The following RBFOX1 variants were observed in gnomAD, a reference collection of about 807,000 sequenced individuals.
The protein encoded by RBFOX1 is RNA binding fox-1 homolog 1.
A neutral mutation model predicts 57.7 loss-of-function variants in RBFOX1; 8 were observed. That is an observed-to-expected ratio of 0.14 (90% CI 0.08 to 0.25). The LOEUF is 0.25. Among genes scored for constraint, RBFOX1 ranks in the 10% least tolerant of loss-of-function variants. The pLI is 1.00. For synonymous variants in RBFOX1, 326 were observed against 222.4 expected, an observed-to-expected ratio of 1.47 and a Z score of -4.15; for missense variants, 611 against 548.5, an observed-to-expected ratio of 1.11 and a Z score of -1.14.
chr16:5,871,871 G>A (rs1041444993), intron 4 of RBFOX1, among the ~76,000 whole-genome samples: 2 of 152,196 alleles, frequency 1.3e-5, no homozygotes, highest in African/African-American at 2.4e-5. Flanking sequence ...TCATGGCAAA[G>A]CAATCGAACT....
chr16:7,104,118 AC>A (rs1220823397), intron 4 of RBFOX1, among the ~76,000 whole-genome samples: 5 of 152,186 alleles, frequency 3.3e-5, no homozygotes, highest in Non-Finnish European at 5.9e-5. Context: ...AGAAATATGT[AC>A]CTATCTGTAT....
At chr16:6,337,043 C>G (rs1169003829) in intron 2 of RBFOX1, among the ~76,000 whole-genome samples, 1 of 152,160 alleles carries the variant, frequency 6.6e-6, no homozygotes, top group Admixed American at 6.5e-5. Flanking sequence ...ATTTTTCAAT[C>G]TGACCCATTT....
chr16:6,788,922 C>G (rs1482872351), intron 3 of RBFOX1, among the ~76,000 whole-genome samples: 5 of 152,142 alleles, frequency 3.3e-5, no homozygotes, highest in Admixed American at 6.6e-5. Context: ...GTCCCCAAGC[C>G]AACTTCCCGA....
At chr16:6,449,442 G>C (rs1048749649) in intron 2 of RBFOX1, among the ~76,000 whole-genome samples, 1 of 152,178 alleles carries the variant, frequency 6.6e-6, no homozygotes, top group Non-Finnish European at 1.5e-5. Context: ...CTTCTGATTA[G>C]GTGTTGCCAA....
intron 3 of RBFOX1, among the ~76,000 whole-genome samples, chr16:6,879,059 C>A (rs1350783282): frequency 1.3e-5 from 2 of 152,156 alleles, no homozygotes; most frequent in Non-Finnish European, 2.9e-5. Flanking sequence ...TGTTTCAGCC[C>A]ACTCTTTTAA....
At chr16:5,319,788 A>G (rs1029223940) in intron 1 of RBFOX1, among the ~76,000 whole-genome samples, 1 of 152,184 alleles carries the variant, frequency 6.6e-6, no homozygotes, top group African/African-American at 2.4e-5. Flanking sequence ...TGCTGGTTGG[A>G]TGGCTTTCCA....
intron 3 of RBFOX1, among the ~76,000 whole-genome samples, chr16:6,933,610 G>A (rs867439477): frequency 1.4e-4 from 21 of 152,334 alleles, no homozygotes; most frequent in African/African-American, 4.6e-4. Flanking sequence ...CTACTCCGGA[G>A]GCTGAAGCAG....
chr16:6,933,802 A>G (rs929020850), intron 3 of RBFOX1, among the ~76,000 whole-genome samples: 10 of 152,210 alleles, frequency 6.6e-5, no homozygotes, highest in Admixed American at 2.0e-4. Flanking sequence ...TTCATTTTCT[A>G]TATCCAAAAT....
intron 1 of RBFOX1, among the ~76,000 whole-genome samples, chr16:6,162,304 C>T (rs539663794): frequency 6.9e-4 from 105 of 152,158 alleles, no homozygotes; most frequent in African/African-American, 2.3e-3. Context: ...TTAGTAGAGA[C>T]GGGGTTTCAC....
chr16:7,540,662 T>G (rs938217258), intron 5 of RBFOX1, among the ~76,000 whole-genome samples: 5 of 152,184 alleles, frequency 3.3e-5, no homozygotes, highest in Non-Finnish European at 7.3e-5. Flanking sequence ...AGTCATGACC[T>G]CTTCAGGCTT....
intron 4 of RBFOX1, among the ~76,000 whole-genome samples, chr16:7,392,896 C>G (rs550438538): frequency 1.3e-5 from 2 of 151,164 alleles, no homozygotes; most frequent in South Asian, 4.2e-4. Context: ...TGTTTTGAGA[C>G]AGAGTCTTGC....
At chr16:5,477,142 G>A (rs1161561108) in intron 2 of RBFOX1, among the ~76,000 whole-genome samples, 3 of 152,186 alleles carry the variant, frequency 2.0e-5, no homozygotes, top group Non-Finnish European at 4.4e-5. Flanking sequence ...AGCCTCCTGA[G>A]TAGCTGCAAG....
In RBFOX1 at chr16:7,683,915, T is replaced by C. The variant is rs573631776; in HGVS notation, c.995+7077T>C. ...TAGAATATCTTAGCTCATGCAGCAT[T>C]TGTGGATGTGGCAATAAAAATTAAA... On this transcript the variant is annotated intron_variant, in intron 14 of 15. Transcript: ENST00000550418. Among the ~76,000 whole-genome samples the C allele has an allele frequency of 1.1e-3, 166 of 152,238 alleles. 2 individuals carry two copies. The highest frequency in any genetic ancestry group is 3.8e-3 in the African/African-American group (158 of 41,556).
At chr16:6,941,002 C>G (rs1470440188) in intron 3 of RBFOX1, among the ~76,000 whole-genome samples, 1 of 151,860 alleles carries the variant, frequency 6.6e-6, no homozygotes, top group Non-Finnish European at 1.5e-5. Flanking sequence ...CCACCACACC[C>G]GGCCCCCCTT....
intron 1 of RBFOX1, among the ~76,000 whole-genome samples, chr16:6,145,555 A>G (rs2096751576): frequency 6.6e-6 from 1 of 152,200 alleles, no homozygotes; most frequent in South Asian, 2.1e-4. Context: ...TATACCCAGT[A>G]ATGGGATTGC....
intron 3 of RBFOX1, among the ~76,000 whole-genome samples, chr16:5,674,235 A>G (rs1396595555): frequency 6.6e-6 from 1 of 152,246 alleles, no homozygotes; most frequent in Non-Finnish European, 1.5e-5. Context: ...TATTCTGAAA[A>G]TCTTTTAAAG....
At chr16:6,118,781 C>G (rs1338293580) in intron 1 of RBFOX1, among the ~76,000 whole-genome samples, 2 of 147,020 alleles carry the variant, frequency 1.4e-5, no homozygotes, top group African/African-American at 5.3e-5. Context: ...CTCTTTCTCC[C>G]TCTCTTTCTC....
intron 2 of RBFOX1, among the ~76,000 whole-genome samples, chr16:6,613,338 G>T (rs1252477840): frequency 1.3e-5 from 2 of 152,042 alleles, no homozygotes; most frequent in South Asian, 2.1e-4. Context: ...GAATGCTCAG[G>T]ATGGTGGGGG....
chr16:5,970,259 C>T (rs924973732), intron 4 of RBFOX1, among the ~76,000 whole-genome samples: 1 of 152,082 alleles, frequency 6.6e-6, no homozygotes, highest in Non-Finnish European at 1.5e-5. Context: ...TCTATTTACT[C>T]ATTTTGTTCT....
Sources: gnomAD v4.1 joint callset for allele counts (sites outside exome capture counted in the v4.1 genomes callset) on GRCh38, gnomAD v4.1.1 for gene constraint, MANE v1.5 for transcripts, NCBI Gene and HGNC (gene_info 2026-07-23, HGNC 2026-07-21) for gene names.